EFNA5: variants seen among roughly 807,000 people sequenced by gnomAD.
EFNA5 encodes the protein ephrin A5, also known as ephrin-A5.
EFNA5 carries 5 observed loss-of-function variants against 22.9 expected under a neutral mutation model. The ratio of observed to expected loss-of-function variants is 0.22; its 90% CI spans 0.11 to 0.46. EFNA5 has a LOEUF of 0.46. Among genes scored for constraint, EFNA5 ranks in the 20% least tolerant of loss-of-function variants. EFNA5 has a pLI of 0.99. For missense variants in EFNA5, 237 were observed against 293.3 expected (o/e 0.81, Z 1.40); for synonymous variants, 113 against 112.2 (o/e 1.01, Z -0.04).
chr5:107,409,406 G>A (rs116403395), intron 2 of EFNA5, among the ~76,000 whole-genome samples: 50 of 152,282 alleles, frequency 3.3e-4, no homozygotes, highest in African/African-American at 1.2e-3. Context: ...CAATGCTCTC[G>A]TGTAACTATG....
intron 1 of EFNA5, among the ~76,000 whole-genome samples, chr5:107,481,619 A>G (rs1355447562): frequency 6.6e-6 from 1 of 152,114 alleles, no homozygotes; most frequent in African/African-American, 2.4e-5. Context: ...TCGGAGGCCA[A>G]GGTGGGTGGA....
intron 1 of EFNA5, among the ~76,000 whole-genome samples, chr5:107,632,243 T>G (rs1200919450): frequency 6.6e-6 from 1 of 152,184 alleles, no homozygotes; most frequent in Non-Finnish European, 1.5e-5. Context: ...TTCTCCTTTT[T>G]CTCCTCACTT....
At chr5:107,555,698 T>C (rs1319321272) in intron 1 of EFNA5, among the ~76,000 whole-genome samples, 2 of 152,236 alleles carry the variant, frequency 1.3e-5, no homozygotes, top group African/African-American at 4.8e-5. Context: ...ATATAGCTAA[T>C]CTGATTTTGC....
chr5:107,667,459 T>C lies in EFNA5; in HGVS notation c.125+3030A>G, dbSNP rs552118244. Among the ~76,000 whole-genome samples, 14 of 152,244 alleles carry C rather than the reference T, an allele frequency of 9.2e-5. 1 individual carries two copies. Among genetic ancestry groups the C allele is most frequent in the African/African-American group, 3.4e-4 (14 of 41,578 alleles). On this transcript the variant is annotated intron_variant, in intron 1 of 4. Coordinates refer to ENST00000333274, the MANE Select transcript of EFNA5 (RefSeq NM_001962.3). Reference sequence around the variant, plus strand: ...ATGGAGAGGCAGTAATGAAACTCCATGTAGAAGATAAACTCCTACCAGATA... The same window carrying C: ...ATGGAGAGGCAGTAATGAAACTCCACGTAGAAGATAAACTCCTACCAGATA...
intron 1 of EFNA5, among the ~76,000 whole-genome samples, chr5:107,589,644 G>A (rs1749275836): frequency 6.6e-6 from 1 of 152,178 alleles, no homozygotes; most frequent in African/African-American, 2.4e-5. Context: ...AATGCGGAGT[G>A]AAAGAGGCCA....
intron 1 of EFNA5, among the ~76,000 whole-genome samples, chr5:107,542,121 G>A (rs1311049073): frequency 6.6e-6 from 1 of 152,158 alleles, no homozygotes; most frequent in Non-Finnish European, 1.5e-5. Context: ...TGCTGAAAGA[G>A]TTCATATGAG....
intron 1 of EFNA5, among the ~76,000 whole-genome samples, chr5:107,576,529 C>T (rs1012811606): frequency 7.2e-5 from 11 of 152,098 alleles, no homozygotes; most frequent in Non-Finnish European, 1.0e-4. Context: ...GGAACTATGC[C>T]GACATTTCTT....
At chr5:107,663,224 G>GA (rs55968746) in intron 1 of EFNA5, among the ~76,000 whole-genome samples, 3 of 151,338 alleles carry the variant, frequency 2.0e-5, no homozygotes, top group Admixed American at 2.0e-4. Context: ...TTCTAGGGGG[G>GA]AAAAAAAACA....
At chr5:107,452,682 G>A (rs1367714553) in intron 1 of EFNA5, among the ~76,000 whole-genome samples, 1 of 152,128 alleles carries the variant, frequency 6.6e-6, no homozygotes, top group East Asian at 1.9e-4. Context: ...AATCGTGATT[G>A]AGCCACTGTA....
At chr5:107,476,056 A>ATATATATATATATGTATATATATATT (rs1454967869) in intron 1 of EFNA5, among the ~76,000 whole-genome samples, 1 of 115,392 alleles carries the variant, frequency 8.7e-6, no homozygotes, top group Non-Finnish European at 1.8e-5. Context: ...CTATATATAT[A>ATATATATATATATGTATATATATATT]TTTTTTTTTT....
intron 1 of EFNA5, among the ~76,000 whole-genome samples, chr5:107,438,697 T>A (rs1749178934): frequency 1.3e-5 from 2 of 152,104 alleles, no homozygotes; most frequent in Admixed American, 6.6e-5. Context: ...CCAAATAGAT[T>A]CGGATCTTTG....
intron 1 of EFNA5, among the ~76,000 whole-genome samples, chr5:107,445,875 A>C (rs194018): frequency 0.025 from 3,859 of 152,306 alleles, 157 homozygotes; most frequent in African/African-American, 0.087. Flanking sequence ...TTATCGAGTA[A>C]ATCAGAGTTG....
intron 1 of EFNA5, among the ~76,000 whole-genome samples, chr5:107,577,145 A>C (rs1213128881): frequency 6.6e-6 from 1 of 152,162 alleles, no homozygotes; most frequent in Non-Finnish European, 1.5e-5. Flanking sequence ...TCACCTGCAA[A>C]ATGACTAACA....
intron 1 of EFNA5, among the ~76,000 whole-genome samples, chr5:107,451,883 C>T (rs1163887730): frequency 6.6e-6 from 1 of 152,044 alleles, no homozygotes; most frequent in African/African-American, 2.4e-5. Flanking sequence ...GGTATATACC[C>T]AAAGGGATAT....
chr5:107,537,297 C>G (rs1408437374), intron 1 of EFNA5, among the ~76,000 whole-genome samples: 1 of 151,864 alleles, frequency 6.6e-6, no homozygotes, highest in African/African-American at 2.4e-5. Context: ...AGTTTGAGAT[C>G]AGCCTGACCA....
At chr5:107,511,236 G>A (rs1747365243) in intron 1 of EFNA5, among the ~76,000 whole-genome samples, 1 of 152,158 alleles carries the variant, frequency 6.6e-6, no homozygotes, top group Non-Finnish European at 1.5e-5. Context: ...ATGTTGGTCA[G>A]GCTGGTCTCG....
intron 1 of EFNA5, among the ~76,000 whole-genome samples, chr5:107,641,605 A>G (rs921347903): frequency 6.6e-6 from 1 of 152,054 alleles, no homozygotes; most frequent in Non-Finnish European, 1.5e-5. Flanking sequence ...TAATACATCA[A>G]CTCCCAAGGT....
At chr5:107,562,667 C>G (rs1213722019) in intron 1 of EFNA5, among the ~76,000 whole-genome samples, 1 of 152,148 alleles carries the variant, frequency 6.6e-6, no homozygotes, top group African/African-American at 2.4e-5. Flanking sequence ...ATGTAGTAAA[C>G]TCACCATTGT....
At chr5:107,496,310 T>C (rs1376619162) in intron 1 of EFNA5, among the ~76,000 whole-genome samples, 3 of 126,144 alleles carry the variant, frequency 2.4e-5, no homozygotes, top group African/African-American at 9.4e-5. Flanking sequence ...TATTCCAGCC[T>C]GGGCAACGAG....
Sources: gnomAD v4.1 joint callset for allele counts (sites outside exome capture counted in the v4.1 genomes callset) on GRCh38, gnomAD v4.1.1 for gene constraint, MANE v1.5 for transcripts, NCBI Gene and HGNC (gene_info 2026-07-23, HGNC 2026-07-21) for gene names.